Variants in CCDC125 observed in about 807,000 individuals in gnomAD.
The protein encoded by CCDC125 is coiled-coil domain-containing protein 125.
Under a neutral mutation model 57.4 loss-of-function variants are expected in CCDC125, and 43 were observed. That is an observed-to-expected ratio of 0.75 (90% CI 0.59 to 0.97). CCDC125 has a LOEUF of 0.97. Among genes scored for constraint, CCDC125 ranks in the 50% least tolerant of loss-of-function variants. The probability of loss-of-function intolerance (pLI) is 0.00; values close to 1 mark genes in which losing one functional copy is unlikely to be tolerated. For synonymous variants in CCDC125, 187 were observed against 195.2 expected, an observed-to-expected ratio of 0.96 and a Z score of 0.35; for missense variants, 563 against 595.7, an observed-to-expected ratio of 0.95 and a Z score of 0.57.
intron 9 of CCDC125, chr5:69,294,202 T>C: frequency 1.2e-6 from 1 of 858,812 alleles, no homozygotes; most frequent in Non-Finnish European, 1.4e-6. Flanking sequence ...TTCTATTATA[T>C]AGTAATTTTA....
rs775829106 is a variant in CCDC125 at position 69,282,842 on chromosome 5, C to G, written c.1423G>C (p.Val475Leu). 6.2e-7 allele frequency: 1 copy of G among 1,614,058 alleles called. No homozygotes were observed. The highest frequency in any genetic ancestry group is 8.5e-7 in the Non-Finnish European group (1 of 1,179,956). ...CAGCCCACAGAATTTAAAATGCAGA[C>G]ACTTGAATGTATAGGATCACCCAAA... ...SVLGDPIHSS[V>L]CILNSVGCIC... Residue 475 changes from valine to leucine, a missense_variant, in exon 12 of 12, where the codon GTC becomes CTC. Coordinates refer to ENST00000396496, the MANE Select transcript of CCDC125 (RefSeq NM_176816.5).
At chr5:69,307,761 T>G in intron 5 of CCDC125, 190 bp downstream of exon 5, 2 of 542,574 alleles carry the variant, frequency 3.7e-6, no homozygotes, top group South Asian at 2.6e-5. Flanking sequence ...GAAATAAAAA[T>G]AACCTGAATT....
Position 69,320,518 on chromosome 5 carries a change from G to T in CCDC125, c.23C>A (p.Ser8Ter). The T allele has an allele frequency of 1.2e-6, 2 of 1,611,094 alleles. No homozygotes were observed. Among genetic ancestry groups the T allele is most frequent in the Non-Finnish European group, 8.5e-7 (1 of 1,178,496 alleles). Residue 8 changes from serine to a stop codon, truncating the protein, a stop_gained, in exon 2 of 12, where the codon TCA (serine) becomes TAA (stop). Coordinates refer to ENST00000396496, the MANE Select transcript of CCDC125 (RefSeq NM_176816.5). LOFTEE classifies it high-confidence loss of function. The part of the protein sequence containing the change: MSKVARS[S>*]SESDVQLWET... ...CCAGAGCTGCACGTCTGACTCACTT[G>T]ATGATCTTGCCACCTTGCTCATGAG... is the stretch of plus-strand genomic sequence containing the variant.
At chr5:69,287,954 G>A (rs1319019505) in intron 10 of CCDC125, among the ~76,000 whole-genome samples, 5 of 152,088 alleles carry the variant, frequency 3.3e-5, no homozygotes, top group Admixed American at 2.6e-4. Context: ...CCTCTGAATT[G>A]CATTTTTTGT....
At chr5:69,311,269 G>A (rs1758093503) in intron 3 of CCDC125, 65 bp from the exon 4 acceptor site, 3 of 994,192 alleles carry the variant, frequency 3.0e-6, no homozygotes, top group East Asian at 2.5e-5. Context: ...TTATCAGTTT[G>A]GCTAGTCTAC....
At position 69,308,081 on chromosome 5, in the gene CCDC125, T is replaced by C. The variant is rs917073309; in HGVS notation, c.454-53A>G. 3.3e-5 allele frequency: 40 copies of C among 1,195,472 alleles called. No homozygotes were observed. In the South Asian group the frequency reaches 4.4e-4, roughly 13 times the overall value. The allele number at this position is 1,195,472 out of a possible 1,614,324, so 74.1% of individuals were successfully genotyped here. A position where few individuals can be genotyped will look rare whatever the true frequency, so the allele number is the denominator to read the frequency against. ...TAAATTAAATTTGTAATCACTCCTA[T>C]GTACATCATGAAGTTCTCTTTTATT... On this transcript the variant is annotated intron_variant, in intron 4 of 11. Transcript: ENST00000396496.
chr5:69,293,085 C>T (rs895415619), intron 9 of CCDC125, among the ~76,000 whole-genome samples: 8 of 151,750 alleles, frequency 5.3e-5, no homozygotes, highest in Non-Finnish European at 1.2e-4. Flanking sequence ...AGGTAATCCA[C>T]CCGCCTCGGC....
chr5:69,283,535 TA>T (rs1003178679), intron 11 of CCDC125, among the ~76,000 whole-genome samples: 3 of 151,176 alleles, frequency 2.0e-5, no homozygotes, highest in East Asian at 3.9e-4. Context: ...TTTTTTTTTT[TA>T]AGACAGGGTC....
downstream of CCDC125, among the ~76,000 whole-genome samples, chr5:69,278,931 A>G (rs1306116872): frequency 2.7e-5 from 4 of 150,482 alleles, no homozygotes; most frequent in African/African-American, 7.3e-5. Flanking sequence ...CAGTGGTGCA[A>G]TCTCAGCTCA....
chr5:69,300,557 C>A (rs1207980044), intron 7 of CCDC125, among the ~76,000 whole-genome samples: 1 of 152,174 alleles, frequency 6.6e-6, no homozygotes, highest in Non-Finnish European at 1.5e-5. Flanking sequence ...ACAAGAAGAT[C>A]TCAAACCAAA....
chr5:69,318,981 C>T (rs1206144964), intron 2 of CCDC125, among the ~76,000 whole-genome samples: 1 of 151,466 alleles, frequency 6.6e-6, no homozygotes, highest in Non-Finnish European at 1.5e-5. Flanking sequence ...CTCTGTTGCC[C>T]AGGCTGGAGT....
intron 2 of CCDC125, among the ~76,000 whole-genome samples, chr5:69,319,053 G>A (rs529888009): frequency 2.5e-4 from 38 of 151,262 alleles, no homozygotes; most frequent in African/African-American, 7.5e-4. Flanking sequence ...TCGGCCTCCC[G>A]AGTAGCTGGG....
chr5:69,323,295 A>C (rs1195693808), intron 1 of CCDC125, among the ~76,000 whole-genome samples: 2 of 151,846 alleles, frequency 1.3e-5, no homozygotes, highest in Non-Finnish European at 2.9e-5. Context: ...GGCGACAGAG[A>C]AAGACTCCAT....
intron 3 of CCDC125, 164 bp downstream of exon 3, chr5:69,313,821 T>C: frequency 4.8e-6 from 4 of 833,928 alleles, no homozygotes; most frequent in Non-Finnish European, 2.1e-6. Context: ...CACAACTTCA[T>C]GTCGTTGAAC....
Position 69,282,676 on chromosome 5 carries a change from T to C in CCDC125, c.*53A>G. The C allele has an allele frequency of 7.1e-7, 1 of 1,417,406 alleles. No individual in the cohort carries two copies. Among genetic ancestry groups the C allele is most frequent in the Non-Finnish European group, 9.5e-7 (1 of 1,055,302 alleles). The allele number at this position is 1,417,406 out of a possible 1,614,324, so 87.8% of individuals were successfully genotyped here. A position where few individuals can be genotyped will look rare whatever the true frequency, so the allele number is the denominator to read the frequency against. On this transcript the variant is annotated 3_prime_UTR_variant, in exon 12 of 12. Transcript: ENST00000396496. The stretch of plus-strand genomic sequence containing the variant: ...GCAGCAAAATTTACAAAATCATTTT[T>C]CAAAGTATCTCGATATAAACAACTC...
At position 69,300,595 on chromosome 5, in the gene CCDC125, T is replaced by C. The variant is rs1445736880; in HGVS notation, c.701-468A>G. Among the ~76,000 whole-genome samples, 12 of 152,140 alleles carry C rather than the reference T, an allele frequency of 7.9e-5. No homozygotes were observed. In the East Asian group the frequency reaches 2.3e-3, roughly 29 times the overall value. On this transcript the variant is annotated intron_variant, in intron 7 of 11. Transcript: ENST00000396496. The stretch of plus-strand genomic sequence containing the variant: ...TTTAGAGAGGGGTCCTGCTGTCTAC[T>C]GGAGAGCAGAAAACAGTATCTTTTC...
chr5:69,282,721 GCTTGT>G lies in CCDC125; in HGVS notation c.*3_*7del. Reference sequence around the variant, plus strand: ...CAACTCTCAGTTCCAATTTCAACTGGCTTGTCTTTAAAATATGATACTTGATGGCA... The same window carrying G: ...CAACTCTCAGTTCCAATTTCAACTGGCTTTAAAATATGATACTTGATGGCA... On this transcript the variant is annotated 3_prime_UTR_variant, in exon 12 of 12. Transcript: ENST00000396496. 6.4e-7 allele frequency: 1 copy of G among 1,563,954 alleles called. No individual in the cohort carries two copies. Among genetic ancestry groups the G allele is most frequent in the Non-Finnish European group, 8.6e-7 (1 of 1,157,614 alleles).
intron 10 of CCDC125, among the ~76,000 whole-genome samples, chr5:69,286,188 C>CCATATATATATA (rs1491467969): frequency 1.9e-5 from 1 of 51,332 alleles, no homozygotes; most frequent in Admixed American, 3.4e-4. Context: ...AAATGGTAAA[C>CCATATATATATA]TATATATATA....
At position 69,280,329 on chromosome 5, in the gene CCDC125, A is replaced by C. The variant is rs1030231962; in HGVS notation, c.*2400T>G. 1.3e-5 allele frequency: 2 copies of C among 152,216 alleles called. No homozygotes were observed. Among genetic ancestry groups the C allele is most frequent in the Non-Finnish European group, 2.9e-5 (2 of 68,046 alleles). The allele number at this position is 152,216 out of a possible 1,614,324, so 9.4% of individuals were successfully genotyped here. ...AAACTGATCCTTTGCACATGATAAT[A>C]ATAAAAAACACACCTCTAGGTGGAA... On this transcript the variant is annotated 3_prime_UTR_variant, in exon 12 of 12. Transcript: ENST00000396496.
Sources: allele counts gnomAD v4.1 joint callset (sites outside exome capture counted in the v4.1 genomes callset), GRCh38; gene constraint gnomAD v4.1.1; transcripts MANE v1.5; gene names NCBI Gene and HGNC (gene_info 2026-07-23, HGNC 2026-07-21).